Variants in KLHL3 observed in about 807,000 individuals in gnomAD.
KLHL3 encodes kelch like family member 3.
Under a neutral mutation model 70.5 loss-of-function variants are expected in KLHL3, and 19 were observed. The ratio of observed to expected loss-of-function variants is 0.27; its 90% confidence interval spans 0.19 to 0.40. The LOEUF is 0.40. Ranked by LOEUF, KLHL3 falls within the 10% of genes least tolerant of loss-of-function variation. The pLI is 1.00. For synonymous variants in KLHL3, 258 were observed against 290.3 expected, an observed-to-expected ratio of 0.89 and a Z score of 1.13; for missense variants, 512 against 771.1, an observed-to-expected ratio of 0.66 and a Z score of 3.98.
intron 14 of KLHL3, among the ~76,000 whole-genome samples, chr5:137,622,763 G>A (rs929159181): frequency 6.6e-6 from 1 of 152,222 alleles, no homozygotes; most frequent in Non-Finnish European, 1.5e-5. Context: ...AGTGAACCAT[G>A]CTCAGCACCT....
rs778535539 is a variant in KLHL3, at chr5:137,668,186, C to A, written c.637-6155G>T. ...GGGAGGCCGAGGAGGCCAAGGTGGG[C>A]GGATCACGAAGTCAAGAGATTGAGA... On this transcript the variant is annotated intron_variant, in intron 6 of 14. Transcript: ENST00000309755. 2.6e-5 allele frequency among the ~76,000 whole-genome samples: 4 copies of A among 152,076 alleles called. No individual in the cohort carries two copies. The South Asian group carries it at 8.3e-4, about 32-fold the overall frequency.
chr5:137,698,488 T>C, intron 3 of KLHL3, 80 bp from the exon 4 acceptor site: 1 of 1,543,004 alleles, frequency 6.5e-7, no homozygotes, highest in Non-Finnish European at 8.8e-7. Context: ...TCCTGCCCTG[T>C]CTTGGAAACA....
intron 6 of KLHL3, among the ~76,000 whole-genome samples, chr5:137,667,371 C>T (rs1751638892): frequency 6.6e-6 from 1 of 152,198 alleles, no homozygotes; most frequent in Admixed American, 6.5e-5. Flanking sequence ...CTCATAGGTA[C>T]ACTTAGGGTT....
chr5:137,634,978 C>T (rs1408378648), intron 11 of KLHL3, among the ~76,000 whole-genome samples: 1 of 152,118 alleles, frequency 6.6e-6, no homozygotes, highest in Non-Finnish European at 1.5e-5. Flanking sequence ...GGGATGGTCT[C>T]TTCTGTGGGA....
chr5:137,696,299 G>T (rs1333763131), intron 4 of KLHL3, among the ~76,000 whole-genome samples: 1 of 150,806 alleles, frequency 6.6e-6, no homozygotes, highest in Non-Finnish European at 1.5e-5. Flanking sequence ...GTCTGGCACA[G>T]AATCAGTGCC....
chr5:137,707,251 G>A (rs1752703187), intron 3 of KLHL3, among the ~76,000 whole-genome samples: 1 of 152,156 alleles, frequency 6.6e-6, no homozygotes, highest in Non-Finnish European at 1.5e-5. Flanking sequence ...TTGCCAACAT[G>A]GCAAAACCCA....
At chr5:137,708,701 G>C (rs931908629) in intron 3 of KLHL3, among the ~76,000 whole-genome samples, 1 of 152,178 alleles carries the variant, frequency 6.6e-6, no homozygotes, top group Non-Finnish European at 1.5e-5. Context: ...ATGAAAAGAT[G>C]AAGTCAAGTT....
chr5:137,704,302 G>A (rs567077511), intron 3 of KLHL3, among the ~76,000 whole-genome samples: 1 of 152,108 alleles, frequency 6.6e-6, no homozygotes, highest in Admixed American at 6.5e-5. Context: ...GGAGAATGGT[G>A]TGAACCCGGG....
chr5:137,715,751 G>T (rs1276174274), intron 2 of KLHL3, among the ~76,000 whole-genome samples: 2 of 152,262 alleles, frequency 1.3e-5, no homozygotes, highest in South Asian at 4.2e-4. Context: ...TATTCTACAG[G>T]CTGTTCAAAT....
At chr5:137,704,095 C>T (rs562392591) in intron 3 of KLHL3, among the ~76,000 whole-genome samples, 34 of 152,310 alleles carry the variant, frequency 2.2e-4, no homozygotes, top group Non-Finnish European at 3.4e-4. Flanking sequence ...GAATTCTCCA[C>T]GCACCTATGC....
chr5:137,623,096 T>A (rs546595589), intron 14 of KLHL3, among the ~76,000 whole-genome samples: 124 of 152,350 alleles, frequency 8.1e-4, no homozygotes, highest in Non-Finnish European at 1.4e-3. Context: ...AAGAGAAACC[T>A]GGTTCTGTCA....
intron 1 of KLHL3, among the ~76,000 whole-genome samples, chr5:137,729,239 C>T (rs755790588): frequency 6.6e-6 from 1 of 152,068 alleles, no homozygotes; most frequent in Non-Finnish European, 1.5e-5. Context: ...TCAATGAAGG[C>T]AAAACAACTG....
At chr5:137,659,320 G>A (rs3777382) in intron 7 of KLHL3, among the ~76,000 whole-genome samples, 53,508 of 151,988 alleles carry the variant, frequency 0.35, 10,124 homozygotes, top group East Asian at 0.53. Context: ...AGTCAGTGAT[G>A]CACAAGGCAT....
intron 8 of KLHL3, chr5:137,647,680 A>C (rs368607272): frequency 2.3e-5 from 10 of 441,524 alleles, no homozygotes; most frequent in African/African-American, 2.0e-4. Context: ...GAGCATGTCG[A>C]GGTCGAGCCA....
At chr5:137,718,912 A>G (rs1752946349) in intron 2 of KLHL3, among the ~76,000 whole-genome samples, 2 of 152,262 alleles carry the variant, frequency 1.3e-5, no homozygotes, top group South Asian at 2.1e-4. Context: ...GGCCCTGTAG[A>G]AAGGAGACAT....
At chr5:137,696,730 C>T (rs186644867) in intron 4 of KLHL3, among the ~76,000 whole-genome samples, 1 of 152,264 alleles carries the variant, frequency 6.6e-6, no homozygotes, top group Admixed American at 6.5e-5. Flanking sequence ...GTGACCGTGG[C>T]AGTTTATTTA....
chr5:137,716,339 G>C (rs930897074), intron 2 of KLHL3, among the ~76,000 whole-genome samples: 1 of 133,752 alleles, frequency 7.5e-6, no homozygotes, highest in Non-Finnish European at 1.6e-5. Context: ...GCCCAACTAA[G>C]GCATATGTTT....
At chr5:137,706,645 C>T (rs1165730912) in intron 3 of KLHL3, among the ~76,000 whole-genome samples, 1 of 152,128 alleles carries the variant, frequency 6.6e-6, no homozygotes, top group Non-Finnish European at 1.5e-5. Context: ...CAAAATATTA[C>T]ATAAAACTAT....
chr5:137,676,400 T>C (rs1375417848), intron 6 of KLHL3, among the ~76,000 whole-genome samples: 2 of 152,196 alleles, frequency 1.3e-5, no homozygotes, highest in East Asian at 1.9e-4. Context: ...AAAACATTTA[T>C]TGAGCATCTC....
Sources: gnomAD v4.1 joint callset for allele counts (sites outside exome capture counted in the v4.1 genomes callset) on GRCh38, gnomAD v4.1.1 for gene constraint, MANE v1.5 for transcripts, NCBI Gene and HGNC (gene_info 2026-07-23, HGNC 2026-07-21) for gene names.